Variants in ARAP2 observed in about 807,000 individuals in gnomAD.
ARAP2 encodes arf-GAP with Rho-GAP domain, ANK repeat and PH domain-containing protein 2.
A neutral mutation model predicts 194.5 loss-of-function variants in ARAP2; 148 were observed. The ratio of observed to expected loss-of-function variants is 0.76; its 90% confidence interval spans 0.67 to 0.87. The LOEUF (loss-of-function observed/expected upper bound fraction) is 0.87, where lower values mean the gene tolerates loss of function less well. Ranked by LOEUF, ARAP2 falls within the 40% of genes least tolerant of loss-of-function variation. ARAP2 has a pLI of 0.00. For synonymous variants in ARAP2, 695 were observed against 683.5 expected, an observed-to-expected ratio of 1.02 and a Z score of -0.26; for missense variants, 2,128 against 1,989.7, an observed-to-expected ratio of 1.07 and a Z score of -1.32.
At chr4:36,126,790 T>C (rs1724026480) in intron 21 of ARAP2, among the ~76,000 whole-genome samples, 2 of 152,190 alleles carry the variant, frequency 1.3e-5, no homozygotes, top group Admixed American at 1.3e-4. Flanking sequence ...AGTGAAGACT[T>C]GTTTGTCACT....
At chr4:36,160,305 G>A (rs1324556151) in intron 13 of ARAP2, 154 bp downstream of exon 13, 26 of 1,233,048 alleles carry the variant, frequency 2.1e-5, no homozygotes, top group African/African-American at 3.2e-5. Flanking sequence ...AATGAAACAA[G>A]GGGGAAACCA....
At position 36,228,779 on chromosome 4, in the gene ARAP2, T is replaced by C; in HGVS notation, c.708A>G (p.Leu236=). 3 of 1,614,110 alleles carry C rather than the reference T, an allele frequency of 1.9e-6. No homozygotes were observed. The highest frequency in any genetic ancestry group is 2.5e-6 in the Non-Finnish European group (3 of 1,179,994). ...ATGGGGATGGTGGTGATCCTTCTAA[T>C]AAACCATTTGTTCCATTTCCAGAAT... ...GTNSGNGTNG[L]LEGSPPSPFF... is the part of the protein sequence containing the mutation. Residue 236 remains leucine, a synonymous_variant, in exon 2 of 33, where the codon TTA becomes TTG. Coordinates refer to ENST00000303965, the MANE Select transcript of ARAP2 (RefSeq NM_015230.4).
intron 2 of ARAP2, among the ~76,000 whole-genome samples, chr4:36,219,332 C>T (rs758434027): frequency 6.6e-6 from 1 of 152,180 alleles, no homozygotes; most frequent in Non-Finnish European, 1.5e-5. Context: ...AAACACTATT[C>T]AGCAATAAGA....
chr4:36,094,790 G>C lies in ARAP2; in HGVS notation c.4286-2770C>G, dbSNP rs1714730705. Among the ~76,000 whole-genome samples, 5 of 152,154 alleles carry C rather than the reference G, an allele frequency of 3.3e-5. No homozygotes were observed. In the South Asian group the frequency reaches 1.0e-3, roughly 32 times the overall value. On this transcript the variant is annotated intron_variant, in intron 27 of 32. Transcript: ENST00000303965. ...CCATGAATGCCTCATTAAAGGCTCA[G>C]AACCACACTTTAGGTAAATTAATCA... is the stretch of plus-strand genomic sequence containing the variant.
At chr4:36,055,532 T>G (rs1336726254) in intron 2 of ARAP2, among the ~76,000 whole-genome samples, 2 of 152,146 alleles carry the variant, frequency 1.3e-5, no homozygotes, top group Non-Finnish European at 2.9e-5. Flanking sequence ...ATTTAACCAT[T>G]TAGTTTCAGG....
chr4:36,090,516 G>A (rs978062659), intron 28 of ARAP2, among the ~76,000 whole-genome samples: 2 of 152,048 alleles, frequency 1.3e-5, no homozygotes, highest in Non-Finnish European at 2.9e-5. Flanking sequence ...CAAAATAGTG[G>A]CAAATTGAAT....
At chr4:36,044,817 C>A in intron 5 of ARAP2, among the ~76,000 whole-genome samples, 1 of 151,154 alleles carries the variant, frequency 6.6e-6, no homozygotes, top group East Asian at 1.9e-4. Context: ...GGGATAAATT[C>A]AAAATATTTA....
intron 5 of ARAP2, among the ~76,000 whole-genome samples, chr4:36,043,420 AC>A (rs1344592157): frequency 2.6e-5 from 4 of 152,174 alleles, no homozygotes; most frequent in African/African-American, 9.7e-5. Context: ...CAACATTTAA[AC>A]AGGAACTTTA....
At chr4:36,231,255 G>A (rs903186512) in intron 1 of ARAP2, among the ~76,000 whole-genome samples, 1 of 152,132 alleles carries the variant, frequency 6.6e-6, no homozygotes, top group Non-Finnish European at 1.5e-5. Flanking sequence ...AGAATAGCTT[G>A]AACTTGGGAG....
At chr4:36,126,357 T>C (rs867868944) in intron 21 of ARAP2, among the ~76,000 whole-genome samples, 1 of 152,038 alleles carries the variant, frequency 6.6e-6, no homozygotes, top group Non-Finnish European at 1.5e-5. Flanking sequence ...AAATAGATGA[T>C]ATTTTCAAAA....
intron 2 of ARAP2, among the ~76,000 whole-genome samples, chr4:36,217,278 G>A (rs887822239): frequency 1.6e-4 from 24 of 152,320 alleles, no homozygotes; most frequent in African/African-American, 5.3e-4. Flanking sequence ...TTGGGAAACC[G>A]AGGTGGGCAG....
At chr4:36,077,866 T>C (rs1728605265) in intron 31 of ARAP2, among the ~76,000 whole-genome samples, 1 of 152,178 alleles carries the variant, frequency 6.6e-6, no homozygotes, top group South Asian at 2.1e-4. Context: ...TCTCAGGACA[T>C]ACCCTGCTGG....
intron 5 of ARAP2, among the ~76,000 whole-genome samples, chr4:36,041,733 T>C (rs1720900717): frequency 6.6e-6 from 1 of 152,188 alleles, no homozygotes. Context: ...TGAATGTTCA[T>C]TGCATCACTA....
At chr4:36,189,564 T>C (rs904082581) in intron 7 of ARAP2, among the ~76,000 whole-genome samples, 2 of 152,144 alleles carry the variant, frequency 1.3e-5, no homozygotes, top group Admixed American at 6.6e-5. Context: ...GTCCTCCTTC[T>C]CCCTACCCTT....
chr4:36,187,269 A>C (rs1238676372), intron 8 of ARAP2, among the ~76,000 whole-genome samples, 182 bp downstream of exon 8: 1 of 152,216 alleles, frequency 6.6e-6, no homozygotes, highest in Non-Finnish European at 1.5e-5. Context: ...ATGAAAGAGG[A>C]AACAAATAAC....
At chr4:36,146,215 A>G (rs1455296727) in intron 19 of ARAP2, among the ~76,000 whole-genome samples, 1 of 151,914 alleles carries the variant, frequency 6.6e-6, no homozygotes, top group Non-Finnish European at 1.5e-5. Flanking sequence ...ACTCACTCCT[A>G]TTCTCAGGTA....
chr4:36,136,802 T>C (rs910986853), intron 19 of ARAP2, among the ~76,000 whole-genome samples: 3 of 126,122 alleles, frequency 2.4e-5, no homozygotes, highest in African/African-American at 5.4e-5. Flanking sequence ...TGTGTGTGTG[T>C]GTGTGTGTGT....
At chr4:36,093,857 G>A (rs1714444737) in intron 27 of ARAP2, among the ~76,000 whole-genome samples, 1 of 152,130 alleles carries the variant, frequency 6.6e-6, no homozygotes, top group African/African-American at 2.4e-5. Flanking sequence ...CTGTAAGTCA[G>A]AACATAAGAT....
intron 1 of ARAP2, among the ~76,000 whole-genome samples, chr4:36,238,675 C>A (rs1432709860): frequency 2.0e-5 from 3 of 152,134 alleles, no homozygotes; most frequent in Non-Finnish European, 4.4e-5. Flanking sequence ...ACCTGGAAGC[C>A]TACATTCATT....
Sources: gnomAD v4.1 joint callset for allele counts (sites outside exome capture counted in the v4.1 genomes callset) on GRCh38, gnomAD v4.1.1 for gene constraint, MANE v1.5 for transcripts, NCBI Gene and HGNC (gene_info 2026-07-23, HGNC 2026-07-21) for gene names.